LRRC37A2: variants seen among roughly 807,000 people sequenced by gnomAD.
The protein encoded by LRRC37A2 is leucine rich repeat containing 37 member A2.
A neutral mutation model predicts 68.8 loss-of-function variants in LRRC37A2; 9 were observed. The observed-to-expected ratio is 0.13, with a 90% CI of 0.08 to 0.23. The LOEUF is 0.23. LRRC37A2 is among the 10% of genes least tolerant of loss of function. The pLI, the probability that LRRC37A2 is intolerant of heterozygous loss-of-function variation, is 1.00. For synonymous variants in LRRC37A2, 63 were observed against 367.6 expected (o/e 0.17, Z 9.48); for missense variants, 168 against 950.4 (o/e 0.18, Z 10.82).
chr17:46,856,478 C>T, the LRRC37A2 span, among the ~76,000 whole-genome samples: 1,058 of 151,088 alleles, frequency 7.0e-3, 8 homozygotes, highest in Non-Finnish European at 8.0e-3. Flanking sequence ...GAAATGCATG[C>T]TTTTTCTTTC....
chr17:46,774,077 C>T, the LRRC37A2 span, among the ~76,000 whole-genome samples: 1 of 152,252 alleles, frequency 6.6e-6, no homozygotes, highest in Non-Finnish European at 1.5e-5. Flanking sequence ...CCCCTCAAAG[C>T]GCAGAGCTCT....
At chr17:46,718,620 A>G in the LRRC37A2 span, among the ~76,000 whole-genome samples, 1 of 152,202 alleles carries the variant, frequency 6.6e-6, no homozygotes, top group Admixed American at 6.5e-5. Context: ...TCTTCACTAG[A>G]GTAGTATAAC....
chr17:46,714,929 C>T, the LRRC37A2 span, among the ~76,000 whole-genome samples: 1 of 152,124 alleles, frequency 6.6e-6, no homozygotes, highest in South Asian at 2.1e-4. Context: ...TTACATTGCT[C>T]TTAGGCATTC....
the LRRC37A2 span, among the ~76,000 whole-genome samples, chr17:46,867,447 C>A: frequency 1.3e-5 from 2 of 152,216 alleles, no homozygotes; most frequent in African/African-American, 2.4e-5. Flanking sequence ...GAGGGGACAA[C>A]CCTGAGGTCA....
chr17:46,492,456 C>T, the LRRC37A2 span, among the ~76,000 whole-genome samples: 13 of 150,894 alleles, frequency 8.6e-5, no homozygotes, highest in East Asian at 2.5e-3. Context: ...TTTGTGGCAG[C>T]TATGAATAAA....
chr17:46,713,632 G>A, the LRRC37A2 span, among the ~76,000 whole-genome samples: 2 of 152,172 alleles, frequency 1.3e-5, no homozygotes, highest in Non-Finnish European at 2.9e-5. Flanking sequence ...AGAATGTCAG[G>A]AGGCATGTAT....
chr17:47,030,640 G>A, the LRRC37A2 span, among the ~76,000 whole-genome samples: 12 of 152,046 alleles, frequency 7.9e-5, no homozygotes, highest in East Asian at 2.3e-3. Flanking sequence ...TGGCACAAGG[G>A]TCTCAACACA....
the LRRC37A2 span, among the ~76,000 whole-genome samples, chr17:46,990,639 T>C: frequency 6.6e-6 from 1 of 151,914 alleles, no homozygotes; most frequent in African/African-American, 2.4e-5. Context: ...TATTTCTCTC[T>C]TTCTGTAGGA....
intron 6 of LRRC37A2, among the ~76,000 whole-genome samples, chr17:46,525,555 C>T (rs1306921790): frequency 3.6e-5 from 4 of 110,450 alleles, no homozygotes; most frequent in African/African-American, 9.7e-5. Context: ...CCATTGCACT[C>T]CAGCCTGAGG....
the LRRC37A2 span, among the ~76,000 whole-genome samples, chr17:46,866,496 G>A: frequency 0.011 from 1,634 of 152,018 alleles, 31 homozygotes; most frequent in African/African-American, 0.036. Context: ...GTGTGTAGGG[G>A]GATCAGTGAG....
the LRRC37A2 span, among the ~76,000 whole-genome samples, chr17:46,740,817 A>T: frequency 6.6e-6 from 1 of 152,068 alleles, no homozygotes; most frequent in East Asian, 1.9e-4. Context: ...ATGCACCACC[A>T]CGTCCAGCTA....
At chr17:46,969,499 G>A in the LRRC37A2 span, among the ~76,000 whole-genome samples, 42,323 of 152,122 alleles carry the variant, frequency 0.28, 6,770 homozygotes, top group South Asian at 0.45. Context: ...CCTGCAGAGG[G>A]GCCAGAGTTG....
At chr17:46,773,616 T>TGGGGGGGGGGGGGGGGGGGG in the LRRC37A2 span, 1 of 997,786 alleles carries the variant, frequency 1.0e-6, no homozygotes, top group Non-Finnish European at 1.5e-6. Flanking sequence ...CATACAGTCC[T>TGGGGGGGGGGGGGGGGGGGG]GATCCCTCCC....
the LRRC37A2 span, among the ~76,000 whole-genome samples, chr17:46,860,745 A>G: frequency 6.6e-6 from 1 of 152,220 alleles, no homozygotes; most frequent in Non-Finnish European, 1.5e-5. Context: ...TGTACAATTC[A>G]GAACAAACCC....
At chr17:46,722,147 C>G in the LRRC37A2 span, 26 of 1,611,918 alleles carry the variant, frequency 1.6e-5, no homozygotes, top group African/African-American at 2.5e-4. Flanking sequence ...GCTTCACGAT[C>G]TTGGCGCTCG....
the LRRC37A2 span, chr17:46,874,998 C>G: frequency 8.2e-6 from 13 of 1,580,218 alleles, no homozygotes; most frequent in African/African-American, 1.8e-4. Flanking sequence ...AGCGCTGCCA[C>G]CACCGCCTCT....
the LRRC37A2 span, among the ~76,000 whole-genome samples, chr17:46,921,809 C>T: frequency 4.6e-5 from 7 of 152,202 alleles, no homozygotes; most frequent in Admixed American, 3.3e-4. Context: ...GTTAGAATGG[C>T]GACCATTAAA....
the LRRC37A2 span, among the ~76,000 whole-genome samples, chr17:46,871,120 G>A: frequency 6.6e-6 from 1 of 151,786 alleles, no homozygotes; most frequent in Non-Finnish European, 1.5e-5. Context: ...TGTCACACAG[G>A]CTGCTCTCAA....
the LRRC37A2 span, chr17:46,757,150 A>C: frequency 2.6e-5 from 4 of 152,172 alleles, no homozygotes; most frequent in African/African-American, 9.7e-5. Context: ...ATCATCTCCA[A>C]ATCTTGCCAT....
Sources: allele counts gnomAD v4.1 joint callset (sites outside exome capture counted in the v4.1 genomes callset), GRCh38; gene constraint gnomAD v4.1.1; transcripts MANE v1.5; gene names NCBI Gene and HGNC (gene_info 2026-07-23, HGNC 2026-07-21).